ARHGEF40: variants seen among roughly 807,000 people sequenced by gnomAD.
ARHGEF40 encodes Rho guanine nucleotide exchange factor 40, also known as Rho guanine nucleotide exchange factor (GEF) 40.
Under a neutral mutation model 165.9 loss-of-function variants are expected in ARHGEF40, and 98 were observed. That is an observed-to-expected ratio of 0.59 (90% confidence interval 0.50 to 0.70). The LOEUF (loss-of-function observed/expected upper bound fraction) is 0.70. Ranked by LOEUF, ARHGEF40 falls within the 30% of genes least tolerant of loss-of-function variation. The pLI is 0.00. For synonymous variants in ARHGEF40, 792 were observed against 814.3 expected, an observed-to-expected ratio of 0.97 and a Z score of 0.47; for missense variants, 1,815 against 1,968.0, an observed-to-expected ratio of 0.92 and a Z score of 1.47.
rs767071823 is a variant in ARHGEF40, at chr14:21,074,725, A to C, written c.995A>C (p.Glu332Ala). 1 of 1,602,608 alleles carries C rather than the reference A, an allele frequency of 6.2e-7. No homozygotes were observed. Among genetic ancestry groups the C allele is most frequent in the Admixed American group, 1.7e-5 (1 of 58,010 alleles). ...GCTGTCCCAGAGGCAGCAGTCTTGGAGGTGTCTGAGCCCCCAGCAGAGGCT... is the reference window on the plus strand; with the variant it reads ...GCTGTCCCAGAGGCAGCAGTCTTGGCGGTGTCTGAGCCCCCAGCAGAGGCT... ...AEAVPEAAVL[E>A]VSEPPAEAVG... The change falls in exon 3 of 24, where the codon GAG becomes GCG. Residue 332 changes from glutamate (E) to alanine (A), a missense_variant. By Grantham distance (107) the Glu-to-Ala change is moderately radical (BLOSUM62 -1). Coordinates refer to ENST00000298694, the MANE Select transcript of ARHGEF40 (RefSeq NM_018071.5). This position sits in a 1 kb window ranked among gnomAD's most constrained non-coding sequence, Gnocchi z 4.8.
In ARHGEF40 at chr14:21,070,534, TC is replaced by T; in HGVS notation, c.3+141del. 2 of 1,071,942 alleles carry T rather than the reference TC, an allele frequency of 1.9e-6. No individual in the cohort carries two copies. Among genetic ancestry groups the T allele is most frequent in the Non-Finnish European group, 2.5e-6 (2 of 788,814 alleles). The allele number at this position is 1,071,942 out of a possible 1,614,324, so 66.4% of individuals were successfully genotyped here. A position where few individuals can be genotyped will look rare whatever the true frequency, so the allele number is the denominator to read the frequency against. ...CCCTCTGGGACTCTCCTCCCTCCCATCCCCCCTTCTTCGATTTGTCTGTCTG... is the reference window on the plus strand; with the variant it reads ...CCCTCTGGGACTCTCCTCCCTCCCATCCCCCTTCTTCGATTTGTCTGTCTG... On this transcript the variant is annotated intron_variant, in intron 1 of 23. Coordinates refer to ENST00000298694, the MANE Select transcript of ARHGEF40 (RefSeq NM_018071.5). The surrounding 1 kb of genome is among the most constrained non-coding windows in gnomAD (Gnocchi z 4.7).
At chr14:21,086,299 C>G (rs567896628) in intron 19 of ARHGEF40, 2 of 170,700 alleles carry the variant, frequency 1.2e-5, no homozygotes, top group African/African-American at 4.8e-5. Flanking sequence ...TCGCTTGAGC[C>G]CAAACGTTCA....
rs1465943615 is a variant in ARHGEF40 at position 21,074,110 on chromosome 14, G to A, written c.380G>A (p.Gly127Glu). The change falls in exon 3 of 24, where the codon GGG (glycine) becomes GAG (glutamate). Residue 127 changes from glycine to glutamate, a missense_variant. Gly to Glu is a moderately conservative substitution (Grantham distance 98). Coordinates refer to ENST00000298694, the MANE Select transcript of ARHGEF40 (RefSeq NM_018071.5). The surrounding 1 kb of genome is among the most constrained non-coding windows in gnomAD (Gnocchi z 4.8). Reference protein sequence around the residue: ...PRLALKCLAPGGGRVQEVPVP... With the variant: ...PRLALKCLAPEGGRVQEVPVP... ...CTAGCACTCAAGTGTCTGGCCCCTGGGGGTGGGCGGGTGCAGGAGGTTCCT... is the reference window on the plus strand; with the variant it reads ...CTAGCACTCAAGTGTCTGGCCCCTGAGGGTGGGCGGGTGCAGGAGGTTCCT... The A allele has an allele frequency of 3.5e-5, 56 of 1,614,006 alleles. No homozygotes were observed. Among genetic ancestry groups the A allele is most frequent in the Non-Finnish European group, 4.7e-5 (55 of 1,180,034 alleles).
chr14:21,076,835 G>A lies in ARHGEF40; in HGVS notation c.1979G>A (p.Trp660Ter). The change falls in exon 8 of 24, where the codon TGG becomes TAG. Residue 660 changes from tryptophan (W) to a stop codon, truncating the protein, a stop_gained. Transcript: ENST00000298694. LOFTEE classifies it high-confidence loss of function. ...KRVAKPEELQ[W>*]ELGGHRDPSP... ...GTGGCCAAGCCAGAGGAGCTGCAGTGGGAGTTAGGAGGTCACAGGGACCCC... is the reference window on the plus strand; with the variant it reads ...GTGGCCAAGCCAGAGGAGCTGCAGTAGGAGTTAGGAGGTCACAGGGACCCC... 1.2e-6 allele frequency: 2 copies of A among 1,613,966 alleles called. No individual in the cohort carries two copies. The highest frequency in any genetic ancestry group is 1.7e-6 in the Non-Finnish European group (2 of 1,180,026).
intron 19 of ARHGEF40, chr14:21,086,791 C>A: frequency 1.9e-6 from 1 of 535,860 alleles, no homozygotes; most frequent in Non-Finnish European, 3.4e-6. Flanking sequence ...AGAGAAGAGC[C>A]AGATATCTGA....
intron 22 of ARHGEF40, 58 bp downstream of exon 22, chr14:21,088,156 G>A: frequency 6.5e-7 from 1 of 1,542,604 alleles, no homozygotes; most frequent in Non-Finnish European, 8.7e-7. Context: ...TTTCTGGATG[G>A]GCTTTTCTGA....
upstream of ARHGEF40, among the ~76,000 whole-genome samples, chr14:21,066,888 C>T (rs181247386): frequency 1.1e-3 from 161 of 152,282 alleles, no homozygotes; most frequent in African/African-American, 3.7e-3. Flanking sequence ...TTACATATCA[C>T]ACAGATTTTT....
chr14:21,063,067 T>C, the ARHGEF40 span, among the ~76,000 whole-genome samples: 1 of 151,914 alleles, frequency 6.6e-6, no homozygotes, highest in Non-Finnish European at 1.5e-5. Flanking sequence ...GAGGTGGTGG[T>C]TGCAGTCAGC....
Position 21,081,499 on chromosome 14 carries a change from G to A in ARHGEF40, c.2641-10G>A, listed in dbSNP as rs768610242. On this transcript the variant is annotated splice_polypyrimidine_tract_variant and intron_variant, in intron 13 of 23. Coordinates refer to ENST00000298694, the MANE Select transcript of ARHGEF40 (RefSeq NM_018071.5). ...TTTCTCTCCCATCCCCAACCCCTTT[G>A]ACTTCGTAGGCACATGAATGGGTGG... is the stretch of plus-strand genomic sequence containing the variant. 4 of 1,612,566 alleles carry A rather than the reference G, an allele frequency of 2.5e-6. No homozygotes were observed. Among genetic ancestry groups the A allele is most frequent in the Non-Finnish European group, 3.4e-6 (4 of 1,179,774 alleles).
the ARHGEF40 span, among the ~76,000 whole-genome samples, chr14:21,063,282 G>T: frequency 1.3e-5 from 2 of 152,178 alleles, no homozygotes; most frequent in Admixed American, 6.5e-5. Context: ...AGGAAGTAAA[G>T]TTCTGTTAAT....
chr14:21,062,764 A>C, the ARHGEF40 span, among the ~76,000 whole-genome samples: 1 of 111,718 alleles, frequency 9.0e-6, no homozygotes, highest in South Asian at 3.1e-4. Context: ...TTTGAGATGG[A>C]GCCTCACTCT....
chr14:21,068,040 C>T (rs1348750847), upstream of ARHGEF40, among the ~76,000 whole-genome samples: 1 of 32,464 alleles, frequency 3.1e-5, no homozygotes, highest in African/African-American at 6.6e-5. Context: ...CGCTCTGTCG[C>T]CCAGGCTGGA....
At chr14:21,067,837 A>G (rs1886353880), upstream of ARHGEF40, among the ~76,000 whole-genome samples, 1 of 151,912 alleles carries the variant, frequency 6.6e-6, no homozygotes, top group Admixed American at 6.5e-5. Flanking sequence ...AACTGCTGCA[A>G]CCACATGTCA....
chr14:21,065,183 C>A, the ARHGEF40 span, among the ~76,000 whole-genome samples: 249 of 144,694 alleles, frequency 1.7e-3, 2 homozygotes, highest in African/African-American at 5.8e-3. Flanking sequence ...AAAAAAAAAA[C>A]AAACAACAAC....
chr14:21,074,265 G>A lies in ARHGEF40; in HGVS notation c.535G>A (p.Ala179Thr), dbSNP rs762485394. 3.7e-6 allele frequency: 6 copies of A among 1,614,112 alleles called. 1 individual carries two copies. Among genetic ancestry groups the A allele is most frequent in the Middle Eastern group, 1.6e-4 (1 of 6,062 alleles). Residue 179 changes from alanine (A) to threonine (T), a missense_variant, in exon 3 of 24, where the codon GCT becomes ACT. Transcript: ENST00000298694. The surrounding 1 kb of genome is among the most constrained non-coding windows in gnomAD (Gnocchi z 4.8). Reference protein sequence around the residue: ...APSGIQRLPWAELICPRFVHK... With the variant: ...APSGIQRLPWTELICPRFVHK... ...CTCTGGGATTCAGCGGCTGCCCTGGGCTGAGCTCATCTGTCCACGATTTGT... is the reference window on the plus strand; with the variant it reads ...CTCTGGGATTCAGCGGCTGCCCTGGACTGAGCTCATCTGTCCACGATTTGT...
chr14:21,070,392 G>C lies in ARHGEF40; in HGVS notation c.-5G>C. The C allele has an allele frequency of 2.8e-6, 4 of 1,409,814 alleles. No homozygotes were observed. The highest frequency in any genetic ancestry group is 2.8e-6 in the Non-Finnish European group (3 of 1,090,496). The allele number at this position is 1,409,814 out of a possible 1,614,324, so 87.3% of individuals were successfully genotyped here. A position where few individuals can be genotyped will look rare whatever the true frequency, so the allele number is the denominator to read the frequency against. ...CAAGCGTCGGACGCGGCCCGGCGCC[G>C]AGCCATGGTGAGTCCAGCGTCGCAG... is the stretch of plus-strand genomic sequence containing the variant. On this transcript the variant is annotated 5_prime_UTR_variant, in exon 1 of 24. Transcript: ENST00000298694. This position sits in a 1 kb window ranked among gnomAD's most constrained non-coding sequence, Gnocchi z 4.7.
intron 11 of ARHGEF40, among the ~76,000 whole-genome samples, chr14:21,079,629 C>T (rs1179241345): frequency 6.6e-6 from 1 of 152,168 alleles, no homozygotes; most frequent in Non-Finnish European, 1.5e-5. Context: ...TCTGATTGTT[C>T]CTCCTTAGCC....
Position 21,087,746 on chromosome 14 carries a change from G to C in ARHGEF40, c.4388-222G>C, listed in dbSNP as rs143638051. On this transcript the variant is annotated intron_variant, in intron 21 of 23. Coordinates refer to ENST00000298694, the MANE Select transcript of ARHGEF40 (RefSeq NM_018071.5). ...CTGTTGTACCCTCCTGGTTCACCACGGCAATCCTTATAGTTTCCTGTCGCT... is the reference window on the plus strand; with the variant it reads ...CTGTTGTACCCTCCTGGTTCACCACCGCAATCCTTATAGTTTCCTGTCGCT... 1,129 of 704,400 alleles carry C rather than the reference G, an allele frequency of 1.6e-3. 6 individuals carry two copies. The African/African-American group carries it at 0.017, about 11-fold the overall frequency. 43.6% of individuals were successfully genotyped at this position (704,400 alleles called of 1,614,324 possible). A position where few individuals can be genotyped will look rare whatever the true frequency, so the allele number is the denominator to read the frequency against.
At chr14:21,065,277 G>A (rs1886206264), upstream of ARHGEF40, among the ~76,000 whole-genome samples, 2 of 151,962 alleles carry the variant, frequency 1.3e-5, no homozygotes, top group African/African-American at 4.8e-5. Context: ...ACCTCATGAG[G>A]ACTGATTCCA....
Sources: gnomAD v4.1 joint callset for allele counts (sites outside exome capture counted in the v4.1 genomes callset) on GRCh38, gnomAD v4.1.1 for gene constraint, Gnocchi (gnomAD v3.1) non-coding constraint, MANE v1.5 for transcripts, NCBI Gene and HGNC (gene_info 2026-07-23, HGNC 2026-07-21) for gene names.